PTPRM: variants seen among roughly 807,000 people sequenced by gnomAD.
PTPRM encodes the protein receptor-type tyrosine-protein phosphatase mu.
A neutral mutation model predicts 186.7 loss-of-function variants in PTPRM; 47 were observed. The observed-to-expected ratio is 0.25, with a 90% CI of 0.20 to 0.32. The LOEUF is 0.32. Ranked by LOEUF, PTPRM falls within the 10% of genes least tolerant of loss-of-function variation. The pLI, the probability that PTPRM is intolerant of heterozygous loss-of-function variation, is 1.00. For missense variants in PTPRM, 1,494 were observed against 1,865.0 expected, an observed-to-expected ratio of 0.80 and a Z score of 3.66; for synonymous variants, 668 against 674.9, an observed-to-expected ratio of 0.99 and a Z score of 0.16.
At chr18:8,265,664 A>G (rs975910816) in intron 19 of PTPRM, among the ~76,000 whole-genome samples, 2 of 152,040 alleles carry the variant, frequency 1.3e-5, no homozygotes, top group Admixed American at 6.6e-5. Flanking sequence ...TGAAAAGTCA[A>G]TTTTTTTTCA....
At chr18:7,979,932 C>T (rs528259557) in intron 7 of PTPRM, among the ~76,000 whole-genome samples, 1 of 152,268 alleles carries the variant, frequency 6.6e-6, no homozygotes, top group South Asian at 2.1e-4. Context: ...TCCCAGATGC[C>T]CACATCTCCA....
chr18:7,695,924 A>G (rs1168635629), intron 1 of PTPRM, among the ~76,000 whole-genome samples: 1 of 152,248 alleles, frequency 6.6e-6, no homozygotes, highest in Non-Finnish European at 1.5e-5. Context: ...TGTAAAATTT[A>G]TTCTTTCGAA....
chr18:8,088,764 C>T lies in PTPRM; in HGVS notation c.1769C>T (p.Ala590Val), dbSNP rs900105971. 1.2e-6 allele frequency: 2 copies of T among 1,612,436 alleles called. No homozygotes were observed. Among genetic ancestry groups the T allele is most frequent in the Non-Finnish European group, 8.5e-7 (1 of 1,178,680 alleles). Residue 590 changes from alanine to valine, a missense_variant, in exon 11 of 33, where the codon GCT (alanine) becomes GTT (valine). Physicochemically the swap from Ala to Val is moderately conservative, Grantham distance 64 (BLOSUM62 0). Transcript: ENST00000580170. ...TTTTCCCCAGCACCCTCTATGCCAG[C>T]TTATGAACTTGAGACACCTTTGAAT... ...TTKISAPSMP[A>V]YELETPLNQT...
intron 1 of PTPRM, among the ~76,000 whole-genome samples, chr18:7,762,412 A>T: frequency 6.6e-6 from 1 of 152,122 alleles, no homozygotes; most frequent in Non-Finnish European, 1.5e-5. Flanking sequence ...TTGGGGGTGA[A>T]TCTACAGATA....
intron 2 of PTPRM, among the ~76,000 whole-genome samples, chr18:7,875,055 G>T (rs2048169890): frequency 6.6e-6 from 1 of 152,052 alleles, no homozygotes; most frequent in Non-Finnish European, 1.5e-5. Context: ...AGTTAGCTGG[G>T]CTTGGTGGCA....
chr18:8,328,558 A>G (rs1396362253), intron 22 of PTPRM, among the ~76,000 whole-genome samples: 3 of 152,206 alleles, frequency 2.0e-5, no homozygotes, highest in Non-Finnish European at 2.9e-5. Context: ...TTCATTTGTT[A>G]TGTCCTATTT....
chr18:8,369,286 A>G (rs1013695594), intron 23 of PTPRM, among the ~76,000 whole-genome samples: 1 of 152,254 alleles, frequency 6.6e-6, no homozygotes. Context: ...ATTTAGTTTC[A>G]GAAAGTAGTT....
chr18:7,575,802 G>C (rs1378578241), intron 1 of PTPRM, among the ~76,000 whole-genome samples: 1 of 152,124 alleles, frequency 6.6e-6, no homozygotes, highest in Non-Finnish European at 1.5e-5. Context: ...TGAGGGTTTA[G>C]GTATGTAATT....
At chr18:8,340,683 G>C (rs1185970504) in intron 22 of PTPRM, among the ~76,000 whole-genome samples, 1 of 152,154 alleles carries the variant, frequency 6.6e-6, no homozygotes, top group East Asian at 1.9e-4. Context: ...CTAGTCAGGA[G>C]ATTCAGAACA....
At chr18:7,766,273 A>G (rs963413268) in intron 1 of PTPRM, among the ~76,000 whole-genome samples, 2 of 152,206 alleles carry the variant, frequency 1.3e-5, no homozygotes, top group African/African-American at 2.4e-5. Flanking sequence ...ATCAGGAGAG[A>G]GAAGCAACAT....
intron 1 of PTPRM, among the ~76,000 whole-genome samples, chr18:7,602,987 T>G (rs2143766090): frequency 6.6e-6 from 1 of 151,198 alleles, no homozygotes; most frequent in East Asian, 2.0e-4. Flanking sequence ...GAGTGCAGTG[T>G]TGTGATCTCG....
Position 8,314,783 on chromosome 18 carries a change from G to A in PTPRM, c.2845G>A (p.Asp949Asn). Residue 949 changes from aspartate to asparagine, a missense_variant and splice_region_variant, in exon 21 of 33, where the codon GAT becomes AAT. Transcript: ENST00000580170. ...TTTCTGTCCCTTTTCCTTTGCAGAC[G>A]ATCATTCCCGAGTGAGGCTGCAGAC... Reference protein sequence around the residue: ...KNRYGNIIAYDHSRVRLQTIE... With the variant: ...KNRYGNIIAYNHSRVRLQTIE... The A allele has an allele frequency of 6.2e-7, 1 of 1,610,872 alleles. No homozygotes were observed. The highest frequency in any genetic ancestry group is 8.5e-7 in the Non-Finnish European group (1 of 1,178,060).
intron 1 of PTPRM, among the ~76,000 whole-genome samples, chr18:7,737,475 T>C (rs2040795953): frequency 6.6e-6 from 1 of 152,270 alleles, no homozygotes; most frequent in Non-Finnish European, 1.5e-5. Context: ...ATCTTCCGTC[T>C]ACCTGTTTGT....
chr18:7,931,337 A>G (rs1389223138), intron 5 of PTPRM, among the ~76,000 whole-genome samples: 1 of 150,710 alleles, frequency 6.6e-6, no homozygotes, highest in Non-Finnish European at 1.5e-5. Context: ...GTGTGTATAT[A>G]TATATAACAC....
chr18:7,889,170 C>T (rs2048932942), intron 3 of PTPRM, among the ~76,000 whole-genome samples: 4 of 151,942 alleles, frequency 2.6e-5, no homozygotes, highest in Admixed American at 2.6e-4. Flanking sequence ...AAAACCTATG[C>T]TATTTGATAA....
rs57751538 is a variant in PTPRM at position 8,126,027 on chromosome 18, A to ATATATATTTTT, written c.2167+11201_2167+11202insATATATTTTTT. ...TATATATATATATATATATATATAT[A>ATATATATTTTT]TTTTAAATCAGTAGACCTTTCCATT... On this transcript the variant is annotated intron_variant, in intron 13 of 32. Coordinates refer to ENST00000580170, the MANE Select transcript of PTPRM (RefSeq NM_001105244.2). Among the ~76,000 whole-genome samples the ATATATATTTTT allele has an allele frequency of 1.8e-3, 125 of 69,416 alleles. 2 individuals carry two copies. The highest frequency in any genetic ancestry group is 2.2e-3 in the Non-Finnish European group (79 of 35,238). 45.5% of individuals were successfully genotyped at this position (69,416 alleles called of 152,430 possible).
intron 2 of PTPRM, among the ~76,000 whole-genome samples, chr18:7,854,309 C>T (rs2046993501): frequency 6.6e-6 from 1 of 151,948 alleles, no homozygotes. Context: ...TGACCTCATA[C>T]TTCTTACCTC....
intron 7 of PTPRM, among the ~76,000 whole-genome samples, chr18:8,027,673 T>C (rs973231452): frequency 6.6e-6 from 1 of 152,202 alleles, no homozygotes; most frequent in Non-Finnish European, 1.5e-5. Context: ...CCTTTAAAAG[T>C]TGATTTTAAG....
At chr18:7,641,370 A>G (rs2038438908) in intron 1 of PTPRM, among the ~76,000 whole-genome samples, 1 of 152,238 alleles carries the variant, frequency 6.6e-6, no homozygotes, top group South Asian at 2.1e-4. Context: ...TAATATTAAG[A>G]AAAGGAGAAA....
Sources: gnomAD v4.1 joint callset for allele counts (sites outside exome capture counted in the v4.1 genomes callset) on GRCh38, gnomAD v4.1.1 for gene constraint, MANE v1.5 for transcripts, NCBI Gene and HGNC (gene_info 2026-07-23, HGNC 2026-07-21) for gene names.